The following SRD5A2 variants were observed in gnomAD, a reference collection of about 807,000 sequenced individuals.
The protein encoded by SRD5A2 is 3-oxo-5-alpha-steroid 4-dehydrogenase 2.
In SRD5A2, 30 loss-of-function variants were observed where a neutral mutation model predicts 27.4. That is an observed-to-expected ratio of 1.10 (90% CI 0.82 to 1.49). The LOEUF is 1.49. SRD5A2 is among the 40% of genes most tolerant of loss of function. The pLI, the probability that SRD5A2 is intolerant of heterozygous loss-of-function variation, is 0.00. For synonymous variants in SRD5A2, 141 were observed against 133.6 expected, an observed-to-expected ratio of 1.06 and a Z score of -0.38; for missense variants, 348 against 323.4, an observed-to-expected ratio of 1.08 and a Z score of -0.58.
At chr2:31,602,713 T>C in the SRD5A2 span, among the ~76,000 whole-genome samples, 2 of 152,068 alleles carry the variant, frequency 1.3e-5, no homozygotes, top group Admixed American at 6.6e-5. Context: ...AACAGATACA[T>C]GGAACAACCG....
At chr2:31,565,052 C>T (rs533151007) in intron 1 of SRD5A2, among the ~76,000 whole-genome samples, 105 of 151,612 alleles carry the variant, frequency 6.9e-4, no homozygotes, top group African/African-American at 2.4e-3. Context: ...AGTAAAACAA[C>T]AACAATAACA....
chr2:31,568,882 C>A (rs934246170), intron 1 of SRD5A2, among the ~76,000 whole-genome samples: 3 of 152,258 alleles, frequency 2.0e-5, no homozygotes, highest in African/African-American at 7.2e-5. Flanking sequence ...CCGCCCTGAG[C>A]TTGCACATGC....
the SRD5A2 span, among the ~76,000 whole-genome samples, chr2:31,655,622 G>T: frequency 6.6e-6 from 1 of 152,122 alleles, no homozygotes; most frequent in Non-Finnish European, 1.5e-5. Flanking sequence ...ACTGCCTCTT[G>T]CCCTGATCTC....
the SRD5A2 span, among the ~76,000 whole-genome samples, chr2:31,595,068 G>A: frequency 1.3e-5 from 2 of 152,092 alleles, no homozygotes; most frequent in South Asian, 2.1e-4. Context: ...GCAGTACTAA[G>A]AGGAAAGTTC....
chr2:31,583,652 C>CAAAAAAAAAAAAAAAA (rs1352139998), upstream of SRD5A2, among the ~76,000 whole-genome samples: 3 of 20,918 alleles, frequency 1.4e-4, 1 homozygote, highest in African/African-American at 4.0e-4. Flanking sequence ...AAAAAAAAAC[C>CAAAAAAAAAAAAAAAA]AAAAAAAAAG....
At chr2:31,616,893 CTGTAG>C in the SRD5A2 span, among the ~76,000 whole-genome samples, 50 of 151,864 alleles carry the variant, frequency 3.3e-4, 2 homozygotes, top group Admixed American at 3.3e-3. Flanking sequence ...TTATCTTTAA[CTGTAG>C]CTCCCATAAT....
At chr2:31,638,240 AG>A in the SRD5A2 span, among the ~76,000 whole-genome samples, 9 of 151,962 alleles carry the variant, frequency 5.9e-5, no homozygotes, top group Non-Finnish European at 1.5e-5. Flanking sequence ...GTATTTTCAG[AG>A]GTTCCCCCTT....
At chr2:31,600,111 G>A in the SRD5A2 span, among the ~76,000 whole-genome samples, 3,229 of 152,036 alleles carry the variant, frequency 0.021, 56 homozygotes, top group Non-Finnish European at 0.032. Flanking sequence ...GCATTAGTTT[G>A]CTAAGTATAG....
chr2:31,661,931 C>A, the SRD5A2 span, among the ~76,000 whole-genome samples: 1 of 152,028 alleles, frequency 6.6e-6, no homozygotes, highest in Non-Finnish European at 1.5e-5. Flanking sequence ...TCTATATCGG[C>A]CAAACTTCTA....
the SRD5A2 span, among the ~76,000 whole-genome samples, chr2:31,602,880 T>C: frequency 4.6e-5 from 7 of 152,204 alleles, no homozygotes; most frequent in African/African-American, 1.7e-4. Flanking sequence ...GAATTGATAC[T>C]GGACCCCTTC....
chr2:31,597,613 A>G, the SRD5A2 span, among the ~76,000 whole-genome samples: 2 of 152,062 alleles, frequency 1.3e-5, no homozygotes, highest in Non-Finnish European at 2.9e-5. Context: ...CAACAAGAAA[A>G]AAACAATCTC....
intron 3 of SRD5A2, among the ~76,000 whole-genome samples, chr2:31,530,939 G>A (rs923982785): frequency 9.2e-5 from 14 of 152,150 alleles, no homozygotes; most frequent in African/African-American, 2.9e-4. Flanking sequence ...CAGGAAATAC[G>A]CAAGTTCTAG....
the SRD5A2 span, among the ~76,000 whole-genome samples, chr2:31,647,426 T>G: frequency 1.3e-5 from 2 of 152,196 alleles, no homozygotes; most frequent in African/African-American, 2.4e-5. Flanking sequence ...AAACATATCG[T>G]TGGCATTCCC....
the SRD5A2 span, among the ~76,000 whole-genome samples, chr2:31,622,343 G>A: frequency 4.6e-5 from 7 of 152,020 alleles, no homozygotes; most frequent in Non-Finnish European, 8.8e-5. Flanking sequence ...TTGTATATAT[G>A]TTCCACATTT....
chr2:31,639,574 T>C, the SRD5A2 span, among the ~76,000 whole-genome samples: 1 of 152,068 alleles, frequency 6.6e-6, no homozygotes, highest in South Asian at 2.1e-4. Flanking sequence ...AGGAAAGAGT[T>C]TATCTCTCCT....
the SRD5A2 span, among the ~76,000 whole-genome samples, chr2:31,623,240 T>A: frequency 2.0e-5 from 3 of 152,080 alleles, no homozygotes. Context: ...AATAAGAAAA[T>A]CGCTCAAATT....
the SRD5A2 span, among the ~76,000 whole-genome samples, chr2:31,659,627 G>T: frequency 8.5e-5 from 13 of 152,112 alleles, no homozygotes; most frequent in Admixed American, 7.9e-4. Context: ...GCTAACCAGG[G>T]AAGTGAAGGA....
chr2:31,653,843 A>G, the SRD5A2 span, among the ~76,000 whole-genome samples: 5 of 152,134 alleles, frequency 3.3e-5, 2 homozygotes, highest in Non-Finnish European at 7.4e-5. Context: ...TATTTTTAGT[A>G]GAAACGGGTT....
chr2:31,528,551 T>TGAGGTCAGGAGTTCAAG (rs1426059127), intron 4 of SRD5A2, among the ~76,000 whole-genome samples: 1 of 152,114 alleles, frequency 6.6e-6, no homozygotes, highest in Non-Finnish European at 1.5e-5. Flanking sequence ...GCAGATCACT[T>TGAGGTCAGGAGTTCAAG]GAGGTCAGGA....
Sources: gnomAD v4.1 joint callset for allele counts (sites outside exome capture counted in the v4.1 genomes callset) on GRCh38, gnomAD v4.1.1 for gene constraint, MANE v1.5 for transcripts, NCBI Gene and HGNC (gene_info 2026-07-23, HGNC 2026-07-21) for gene names.